LMX1B: variants seen among roughly 807,000 people sequenced by gnomAD.
LMX1B encodes LIM homeobox transcription factor 1 beta, also known as LIM homeobox transcription factor 1-beta.
Under a neutral mutation model 51.4 loss-of-function variants are expected in LMX1B, and 12 were observed. That is an observed-to-expected ratio of 0.23 (90% CI 0.15 to 0.38). LMX1B has a LOEUF of 0.38. Among genes scored for constraint, LMX1B ranks in the 10% least tolerant of loss-of-function variants. The pLI is 1.00. For missense variants in LMX1B, 445 were observed against 571.1 expected (o/e 0.78, Z 2.25); for synonymous variants, 237 against 235.4 (o/e 1.01, Z -0.06).
rs1835275653 is a variant in LMX1B at position 126,615,069 on chromosome 9, C to T, written c.140-314C>T. Reference sequence around the variant, plus strand: ...CAGCCTCACCTCGCCTGTCTTGGTCCCAGCCGGCCACCCTGCGCCGTGCTC... The same window carrying T: ...CAGCCTCACCTCGCCTGTCTTGGTCTCAGCCGGCCACCCTGCGCCGTGCTC... On this transcript the variant is annotated intron_variant, in intron 1 of 7. Coordinates refer to ENST00000373474, the MANE Select transcript of LMX1B (RefSeq NM_001174147.2). The surrounding 1 kb of genome is among the most constrained non-coding windows in gnomAD (Gnocchi z 6.0). 6.6e-6 allele frequency among the ~76,000 whole-genome samples: 1 copy of T among 151,958 alleles called. No homozygotes were observed. Among genetic ancestry groups the T allele is most frequent in the African/African-American group, 2.4e-5 (1 of 41,416 alleles).
In LMX1B at chr9:126,618,631, C is replaced by G. The variant is rs1835348185; in HGVS notation, c.326+3062C>G. ...TCAGAACACCTCTCACCGTCCTCCA[C>G]CGGAGAACAAATGAAAAATAAGGCA... On this transcript the variant is annotated intron_variant, in intron 2 of 7. Transcript: ENST00000373474. This position sits in a 1 kb window ranked among gnomAD's most constrained non-coding sequence, Gnocchi z 4.5. Among the ~76,000 whole-genome samples, 1 of 152,308 alleles carries G rather than the reference C, an allele frequency of 6.6e-6. No homozygotes were observed. The highest frequency in any genetic ancestry group is 1.9e-4 in the East Asian group (1 of 5,176).
At chr9:126,678,354 G>A (rs546761595) in intron 2 of LMX1B, among the ~76,000 whole-genome samples, 56 of 151,694 alleles carry the variant, frequency 3.7e-4, no homozygotes, top group Middle Eastern at 3.4e-3. Flanking sequence ...AAAAGACTGC[G>A]GAGAAGCTGC....
intron 2 of LMX1B, among the ~76,000 whole-genome samples, chr9:126,637,227 C>T (rs1458908242): frequency 6.6e-6 from 1 of 152,216 alleles, no homozygotes; most frequent in Non-Finnish European, 1.5e-5. Context: ...TCAGCTCCTC[C>T]TTGGGGACTC....
At chr9:126,643,903 C>T (rs1291594181) in intron 2 of LMX1B, among the ~76,000 whole-genome samples, 1 of 152,224 alleles carries the variant, frequency 6.6e-6, no homozygotes, top group Non-Finnish European at 1.5e-5. Context: ...GTAGACGCCA[C>T]TTTCATGCCC....
chr9:126,651,359 G>A (rs995267230), intron 2 of LMX1B, among the ~76,000 whole-genome samples: 2 of 151,814 alleles, frequency 1.3e-5, no homozygotes, highest in East Asian at 1.9e-4. Context: ...CCCAGACCCC[G>A]AGGGCTGCCA....
Position 126,615,692 on chromosome 9 carries a change from C to A in LMX1B, c.326+123C>A. 1.1e-6 allele frequency: 1 copy of A among 884,088 alleles called. No homozygotes were observed. Among genetic ancestry groups the A allele is most frequent in the Non-Finnish European group, 1.6e-6 (1 of 616,970 alleles). The allele number at this position is 884,088 out of a possible 1,614,324, so 54.8% of individuals were successfully genotyped here. On this transcript the variant is annotated intron_variant, in intron 2 of 7. Transcript: ENST00000373474. This position sits in a 1 kb window ranked among gnomAD's most constrained non-coding sequence, Gnocchi z 6.0. ...TGTGCGCGGCTGGGCCGGGCAGCTC[C>A]AAGGGTTCCGAGAGCTGCGCGTCTT...
At chr9:126,627,408 G>A (rs976927059) in intron 2 of LMX1B, among the ~76,000 whole-genome samples, 1 of 151,964 alleles carries the variant, frequency 6.6e-6, no homozygotes, top group African/African-American at 2.4e-5. Flanking sequence ...TGCTTGGCTT[G>A]AGCTAACTTT....
Position 126,690,901 on chromosome 9 carries a change from C to T in LMX1B, c.392C>T (p.Ala131Val), listed in dbSNP as rs373429181. The part of the protein sequence containing the change: ...KIAPTEFVMR[A>V]LECVYHLGCF... ...GCCCCCACCGAGTTCGTGATGCGGG[C>T]GCTGGAGTGCGTGTACCACCTGGGC... The change falls in exon 3 of 8, where the codon GCG (alanine) becomes GTG (valine). Residue 131 changes from alanine to valine, a missense_variant. Ala to Val is a moderately conservative substitution (Grantham distance 64, BLOSUM62 0). Around this residue, in one of 3 missense-constraint regions of LMX1B, gnomAD observed 273 missense variants for 343.3 expected, o/e 0.80. Transcript: ENST00000373474. 1.1e-4 allele frequency: 178 copies of T among 1,613,980 alleles called. No individual in the cohort carries two copies. The South Asian group carries it at 1.9e-3, about 17-fold the overall frequency.
chr9:126,688,087 C>T (rs958737424), intron 2 of LMX1B, among the ~76,000 whole-genome samples: 3 of 152,154 alleles, frequency 2.0e-5, no homozygotes, highest in Admixed American at 6.5e-5. Context: ...ATAAAGTGCG[C>T]GCAGTTTGTT....
At chr9:126,638,499 G>A (rs1321195971) in intron 2 of LMX1B, among the ~76,000 whole-genome samples, 1 of 152,236 alleles carries the variant, frequency 6.6e-6, no homozygotes, top group African/African-American at 2.4e-5. Flanking sequence ...CCAGCTCGGG[G>A]GCTCACAAAG....
At chr9:126,645,382 A>G (rs1835880348) in intron 2 of LMX1B, among the ~76,000 whole-genome samples, 2 of 152,164 alleles carry the variant, frequency 1.3e-5, no homozygotes, top group Non-Finnish European at 2.9e-5. Context: ...GGAGACATAC[A>G]TGGGATCCCA....
chr9:126,639,290 A>C (rs10987377), intron 2 of LMX1B, among the ~76,000 whole-genome samples: 27,599 of 152,142 alleles, frequency 0.18, 3,334 homozygotes, highest in East Asian at 0.42. Flanking sequence ...GTCCCTCTGC[A>C]TCCTGGGGCC....
intron 2 of LMX1B, among the ~76,000 whole-genome samples, chr9:126,646,661 C>T (rs1231941789): frequency 6.6e-6 from 1 of 152,232 alleles, no homozygotes; most frequent in Non-Finnish European, 1.5e-5. Flanking sequence ...CTGGGTTCTA[C>T]TTCTGGTGGA....
chr9:126,647,932 T>G (rs1320116052), intron 2 of LMX1B, among the ~76,000 whole-genome samples: 1 of 152,160 alleles, frequency 6.6e-6, no homozygotes, highest in Non-Finnish European at 1.5e-5. Flanking sequence ...CCTCCAACCC[T>G]CCATCCTCCT....
intron 2 of LMX1B, among the ~76,000 whole-genome samples, chr9:126,689,065 G>A (rs2030017164): frequency 6.6e-6 from 1 of 152,214 alleles, no homozygotes; most frequent in African/African-American, 2.4e-5. Context: ...GGACGCTGAG[G>A]GGAGCATAGA....
In LMX1B at chr9:126,625,861, G is replaced by A. The variant is rs1835516955; in HGVS notation, c.326+10292G>A. ...TCGGACAAGCAGAACTCCGGCAGGC[G>A]CAGCGGGCGCCGAGGCTTGGGCTTT... is the stretch of plus-strand genomic sequence containing the variant. On this transcript the variant is annotated intron_variant, in intron 2 of 7. Coordinates refer to ENST00000373474, the MANE Select transcript of LMX1B (RefSeq NM_001174147.2). The surrounding 1 kb of genome is among the most constrained non-coding windows in gnomAD (Gnocchi z 5.3). Among the ~76,000 whole-genome samples, 1 of 152,206 alleles carries A rather than the reference G, an allele frequency of 6.6e-6. No homozygotes were observed.
At chr9:126,669,859 A>G in intron 2 of LMX1B, among the ~76,000 whole-genome samples, 1 of 152,158 alleles carries the variant, frequency 6.6e-6, no homozygotes, top group East Asian at 1.9e-4. Context: ...CCCTTCCCCC[A>G]GGATGGCCCC....
chr9:126,655,918 G>A (rs1326145730), intron 2 of LMX1B, among the ~76,000 whole-genome samples: 1 of 152,150 alleles, frequency 6.6e-6, no homozygotes, highest in Non-Finnish European at 1.5e-5. Flanking sequence ...TCCCAAAAGG[G>A]TATAGACAGC....
rs1259795034 is a variant in LMX1B, at chr9:126,677,284, GC to G, written c.327-13547del. ...ATACCTCCTTTTAATTCCTGCTCCTGCCCCCTCCTCTCCGAGCTCCCCTGGG... is the reference window on the plus strand; with the variant it reads ...ATACCTCCTTTTAATTCCTGCTCCTGCCCCTCCTCTCCGAGCTCCCCTGGG... On this transcript the variant is annotated intron_variant, in intron 2 of 7. Coordinates refer to ENST00000373474, the MANE Select transcript of LMX1B (RefSeq NM_001174147.2). This position sits in a 1 kb window ranked among gnomAD's most constrained non-coding sequence, Gnocchi z 5.0. Among the ~76,000 whole-genome samples, 1 of 152,132 alleles carries G rather than the reference GC, an allele frequency of 6.6e-6. No individual in the cohort carries two copies. Among genetic ancestry groups the G allele is most frequent in the African/African-American group, 2.4e-5 (1 of 41,422 alleles).
Sources: gnomAD v4.1 joint callset for allele counts (sites outside exome capture counted in the v4.1 genomes callset) on GRCh38, gnomAD v4.1.1 for gene constraint, gnomAD v4.1.1 regional missense constraint, Gnocchi (gnomAD v3.1) non-coding constraint, MANE v1.5 for transcripts, NCBI Gene and HGNC (gene_info 2026-07-23, HGNC 2026-07-21) for gene names.